The following TMEM196 variants were observed in gnomAD, a reference collection of about 807,000 sequenced individuals.
The protein encoded by TMEM196 is transmembrane protein 196.
Under a neutral mutation model 20.0 loss-of-function variants are expected in TMEM196, and 17 were observed. That is an observed-to-expected ratio of 0.85 (90% CI 0.58 to 1.27). The LOEUF (loss-of-function observed/expected upper bound fraction) is 1.27, where lower values mean the gene tolerates loss of function less well. TMEM196 is among the 50% of genes most tolerant of loss of function. TMEM196 has a pLI of 0.00. For synonymous variants in TMEM196, 113 were observed against 88.9 expected (o/e 1.27, Z -1.52); for missense variants, 267 against 223.0 (o/e 1.20, Z -1.26).
chr7:19,739,579 A>T (rs1343389486), intron 1 of TMEM196, among the ~76,000 whole-genome samples: 1 of 152,108 alleles, frequency 6.6e-6, no homozygotes, highest in Non-Finnish European at 1.5e-5. Flanking sequence ...ATCTCTGGGC[A>T]GCCTGGGGAA....
At chr7:19,738,560 T>C (rs1430038419) in intron 1 of TMEM196, among the ~76,000 whole-genome samples, 2 of 151,986 alleles carry the variant, frequency 1.3e-5, no homozygotes, top group Non-Finnish European at 2.9e-5. Context: ...CTTGGAGAAA[T>C]GGCTGAATTT....
intron 1 of TMEM196, among the ~76,000 whole-genome samples, chr7:19,739,752 C>T (rs1472110544): frequency 6.6e-6 from 1 of 152,186 alleles, no homozygotes; most frequent in Admixed American, 6.5e-5. Flanking sequence ...TGCTCAACCT[C>T]ATCAGTAATA....
At chr7:19,729,021 A>T (rs985711196) in intron 2 of TMEM196, among the ~76,000 whole-genome samples, 3 of 152,218 alleles carry the variant, frequency 2.0e-5, no homozygotes, top group Non-Finnish European at 2.9e-5. Flanking sequence ...AAATGGTTAC[A>T]TTTCTCATGG....
chr7:19,764,538 A>C (rs370845262), intron 1 of TMEM196, among the ~76,000 whole-genome samples: 1 of 152,256 alleles, frequency 6.6e-6, no homozygotes, highest in East Asian at 1.9e-4. Context: ...TGCTTTGCAC[A>C]CTTTTCCTCC....
intron 2 of TMEM196, among the ~76,000 whole-genome samples, chr7:19,729,181 G>A (rs572485777): frequency 1.3e-5 from 2 of 151,888 alleles, no homozygotes; most frequent in Non-Finnish European, 1.5e-5. Context: ...TTTTTACATC[G>A]GTGGGCTTTT....
intron 1 of TMEM196, among the ~76,000 whole-genome samples, chr7:19,730,062 C>T (rs1784142990): frequency 1.3e-5 from 2 of 152,046 alleles, no homozygotes; most frequent in Non-Finnish European, 2.9e-5. Flanking sequence ...CGAGACCATC[C>T]TGGCTAACAC....
In TMEM196 at chr7:19,736,354, TATATATATATA is replaced by T. The variant is rs1562612203; in HGVS notation, c.148-6927_148-6917del. 5.7e-4 allele frequency among the ~76,000 whole-genome samples: 50 copies of T among 88,094 alleles called. 1 individual carries two copies. Among genetic ancestry groups the T allele is most frequent in the African/African-American group, 1.4e-3 (41 of 29,866 alleles). 57.8% of individuals were successfully genotyped at this position (88,094 alleles called of 152,430 possible). A position where few individuals can be genotyped will look rare whatever the true frequency, so the allele number is the denominator to read the frequency against. On this transcript the variant is annotated intron_variant, in intron 1 of 4. Transcript: ENST00000405844. The stretch of plus-strand genomic sequence containing the variant: ...ATCCCACTTTTCTAGTGGTTCCTAC[TATATATATATA>T]TATATATATATATATATATATATAT...
At chr7:19,768,524 C>G (rs377629965) in intron 1 of TMEM196, among the ~76,000 whole-genome samples, 38 of 152,102 alleles carry the variant, frequency 2.5e-4, no homozygotes, top group South Asian at 1.2e-3. Context: ...AACTTGGAAA[C>G]AGAGCTCTGT....
At chr7:19,762,887 G>C (rs1235455326) in intron 1 of TMEM196, among the ~76,000 whole-genome samples, 1 of 152,186 alleles carries the variant, frequency 6.6e-6, no homozygotes, top group East Asian at 1.9e-4. Context: ...CATCCAACAT[G>C]CATAGCGGTT....
chr7:19,772,902 C>T lies in TMEM196; in HGVS notation c.-206G>A. 1 of 419,784 alleles carries T rather than the reference C, an allele frequency of 2.4e-6. No individual in the cohort carries two copies. Among genetic ancestry groups the T allele is most frequent in the African/African-American group, 2.0e-5 (1 of 49,184 alleles). 26.0% of individuals were successfully genotyped at this position (419,784 alleles called of 1,614,324 possible). On this transcript the variant is annotated 5_prime_UTR_variant, in exon 1 of 5. Coordinates refer to ENST00000405844, the MANE Select transcript of TMEM196 (RefSeq NM_001363562.2). ...CCAGAGGCAAAGGAGCTGCTCCACC[C>T]CCTGGCACGTTCAGATAGGGATCGT...
chr7:19,731,197 C>T (rs1368951962), intron 1 of TMEM196, among the ~76,000 whole-genome samples: 1 of 151,836 alleles, frequency 6.6e-6, no homozygotes, highest in Non-Finnish European at 1.5e-5. Flanking sequence ...TATATGATAG[C>T]CAAATAGTTA....
chr7:19,750,167 T>C (rs905423595), intron 1 of TMEM196, among the ~76,000 whole-genome samples: 1 of 152,294 alleles, frequency 6.6e-6, no homozygotes, highest in African/African-American at 2.4e-5. Flanking sequence ...TCTGTTGTCT[T>C]TCTCTCTCTT....
chr7:19,730,057 C>G (rs1418595354), intron 1 of TMEM196, among the ~76,000 whole-genome samples: 1 of 152,034 alleles, frequency 6.6e-6, no homozygotes, highest in East Asian at 1.9e-4. Context: ...GAGATCGAGA[C>G]CATCCTGGCT....
chr7:19,770,647 C>G (rs747791063), intron 1 of TMEM196, among the ~76,000 whole-genome samples: 6 of 152,030 alleles, frequency 3.9e-5, no homozygotes, highest in Non-Finnish European at 7.4e-5. Flanking sequence ...GTTCTAGAAA[C>G]CCAAATGAAT....
chr7:19,772,476 C>T, intron 1 of TMEM196, 74 bp downstream of exon 1: 1 of 1,388,248 alleles, frequency 7.2e-7, no homozygotes, highest in East Asian at 2.8e-5. Flanking sequence ...GACTAATGCG[C>T]GCACCCTGAC....
intron 1 of TMEM196, among the ~76,000 whole-genome samples, chr7:19,759,535 A>G (rs1225271650): frequency 6.6e-6 from 1 of 152,100 alleles, no homozygotes; most frequent in Non-Finnish European, 1.5e-5. Context: ...CTATTTATCT[A>G]ACAGTCCACA....
intron 1 of TMEM196, among the ~76,000 whole-genome samples, chr7:19,760,352 CTTTTTTT>C (rs55646735): frequency 1.6e-4 from 15 of 92,164 alleles, no homozygotes; most frequent in South Asian, 7.7e-4. Flanking sequence ...ATATATTTTC[CTTTTTTT>C]TTTTTTTTTT....
intron 1 of TMEM196, among the ~76,000 whole-genome samples, chr7:19,736,706 T>A (rs1040363247): frequency 2.0e-5 from 3 of 151,684 alleles, no homozygotes; most frequent in Non-Finnish European, 4.4e-5. Flanking sequence ...CCTTAACTAC[T>A]CTCACTGAGA....
intron 1 of TMEM196, among the ~76,000 whole-genome samples, chr7:19,746,894 T>C (rs1784774624): frequency 6.6e-6 from 1 of 152,242 alleles, no homozygotes; most frequent in African/African-American, 2.4e-5. Flanking sequence ...GATCTAGATT[T>C]AGAACGTATG....
Sources: allele counts gnomAD v4.1 joint callset (sites outside exome capture counted in the v4.1 genomes callset), GRCh38; gene constraint gnomAD v4.1.1; transcripts MANE v1.5; gene names NCBI Gene and HGNC (gene_info 2026-07-23, HGNC 2026-07-21).